The following NXPH1 variants were observed in gnomAD, a reference collection of about 807,000 sequenced individuals.
NXPH1 encodes neurexophilin-1.
NXPH1 carries 5 observed loss-of-function variants against 23.7 expected under a neutral mutation model. The observed-to-expected ratio is 0.21, with a 90% CI of 0.11 to 0.44. The LOEUF (loss-of-function observed/expected upper bound fraction) is 0.44, where lower values mean the gene tolerates loss of function less well. Among genes scored for constraint, NXPH1 ranks in the 20% least tolerant of loss-of-function variants. The pLI is 0.99. For missense variants in NXPH1, 324 were observed against 321.6 expected (o/e 1.01, Z -0.06); for synonymous variants, 144 against 122.2 (o/e 1.18, Z -1.18).
intron 2 of NXPH1, among the ~76,000 whole-genome samples, chr7:8,558,145 A>T (rs556074804): frequency 1.3e-5 from 2 of 151,900 alleles, no homozygotes; most frequent in South Asian, 4.1e-4. Context: ...TTTTGATTTT[A>T]AATTCTTACA....
chr7:8,523,054 T>C (rs1429875310), intron 2 of NXPH1, among the ~76,000 whole-genome samples: 2 of 152,336 alleles, frequency 1.3e-5, no homozygotes, highest in East Asian at 3.9e-4. Flanking sequence ...GGTATACTAG[T>C]TGTGAGAATG....
chr7:8,534,704 G>A (rs558610768), intron 2 of NXPH1, among the ~76,000 whole-genome samples: 8 of 152,148 alleles, frequency 5.3e-5, no homozygotes, highest in African/African-American at 1.9e-4. Flanking sequence ...TCAAATATTT[G>A]ACATGATTTC....
intron 2 of NXPH1, among the ~76,000 whole-genome samples, chr7:8,696,218 T>A (rs929268409): frequency 6.6e-6 from 1 of 152,164 alleles, no homozygotes; most frequent in Non-Finnish European, 1.5e-5. Flanking sequence ...AGTTTGAAAA[T>A]CATGAAGCTA....
At chr7:8,562,244 T>C (rs915787461) in intron 2 of NXPH1, among the ~76,000 whole-genome samples, 3 of 151,730 alleles carry the variant, frequency 2.0e-5, no homozygotes, top group Admixed American at 2.0e-4. Context: ...AGAGGCTTTT[T>C]AAGAAGAGGT....
chr7:8,449,217 G>A (rs1816461153), intron 2 of NXPH1, among the ~76,000 whole-genome samples: 1 of 152,172 alleles, frequency 6.6e-6, no homozygotes, highest in African/African-American at 2.4e-5. Context: ...CAGTTTGGTG[G>A]AATGAGAGCC....
At chr7:8,655,627 T>C (rs1036945419) in intron 2 of NXPH1, among the ~76,000 whole-genome samples, 4 of 152,138 alleles carry the variant, frequency 2.6e-5, no homozygotes, top group Non-Finnish European at 5.9e-5. Context: ...ATATCTCATA[T>C]ATGATTATTG....
chr7:8,472,913 T>G (rs1378707545), intron 2 of NXPH1, among the ~76,000 whole-genome samples: 1 of 152,188 alleles, frequency 6.6e-6, no homozygotes, highest in Non-Finnish European at 1.5e-5. Context: ...AAGCCATTAC[T>G]GTTCTGAGAT....
At chr7:8,557,813 G>A (rs977088297) in intron 2 of NXPH1, among the ~76,000 whole-genome samples, 6 of 151,622 alleles carry the variant, frequency 4.0e-5, no homozygotes, top group African/African-American at 1.5e-4. Context: ...GTAGAATGCT[G>A]GACCCATATT....
chr7:8,550,958 G>A (rs1584226914), intron 2 of NXPH1, among the ~76,000 whole-genome samples: 2 of 151,338 alleles, frequency 1.3e-5, no homozygotes. Flanking sequence ...TTGAGTCCTG[G>A]AATTTTAAAA....
intron 2 of NXPH1, among the ~76,000 whole-genome samples, chr7:8,604,632 A>T (rs1819442611): frequency 6.6e-6 from 1 of 152,128 alleles, no homozygotes; most frequent in African/African-American, 2.4e-5. Flanking sequence ...TGCAATTTAG[A>T]ATCTATAATA....
intron 2 of NXPH1, among the ~76,000 whole-genome samples, chr7:8,741,572 T>A (rs1780360832): frequency 2.0e-5 from 3 of 152,134 alleles, no homozygotes; most frequent in African/African-American, 7.2e-5. Context: ...CTGATTATTG[T>A]TTGACCTTCT....
intron 2 of NXPH1, among the ~76,000 whole-genome samples, chr7:8,513,528 T>C (rs1205758953): frequency 1.3e-5 from 2 of 152,138 alleles, no homozygotes; most frequent in African/African-American, 2.4e-5. Context: ...AGATGCTACA[T>C]GCATCTATTT....
intron 2 of NXPH1, among the ~76,000 whole-genome samples, chr7:8,611,274 C>T (rs921079661): frequency 9.9e-5 from 15 of 152,068 alleles, no homozygotes. Flanking sequence ...GTTCCCTTAC[C>T]CCCAAGTTTC....
intron 2 of NXPH1, among the ~76,000 whole-genome samples, chr7:8,500,269 T>C (rs1452259537): frequency 1.3e-5 from 2 of 152,092 alleles, no homozygotes; most frequent in Non-Finnish European, 2.9e-5. Flanking sequence ...ACCTTTTGTC[T>C]AGTAGTCCCT....
intron 2 of NXPH1, among the ~76,000 whole-genome samples, chr7:8,570,181 C>G (rs527443486): frequency 8.6e-5 from 13 of 151,988 alleles, no homozygotes; most frequent in African/African-American, 3.1e-4. Context: ...AAAAAATTGA[C>G]TCAGAAGAGA....
chr7:8,452,657 A>G (rs969276535), intron 2 of NXPH1, among the ~76,000 whole-genome samples: 5 of 152,148 alleles, frequency 3.3e-5, no homozygotes, highest in Non-Finnish European at 4.4e-5. Flanking sequence ...GAAAGAGGGG[A>G]AAAGAAAGCC....
intron 2 of NXPH1, among the ~76,000 whole-genome samples, chr7:8,666,504 A>G (rs1820769723): frequency 6.6e-6 from 1 of 152,000 alleles, no homozygotes; most frequent in Admixed American, 6.6e-5. Context: ...CTTTTCTTGT[A>G]GTGGCTTTGC....
At chr7:8,534,394 G>A (rs910774781) in intron 2 of NXPH1, among the ~76,000 whole-genome samples, 1 of 152,078 alleles carries the variant, frequency 6.6e-6, no homozygotes, top group South Asian at 2.1e-4. Context: ...GGTTGAAAAC[G>A]TTTGGGTATA....
At chr7:8,515,632 T>C (rs2128614720) in intron 2 of NXPH1, among the ~76,000 whole-genome samples, 1 of 152,280 alleles carries the variant, frequency 6.6e-6, no homozygotes, top group East Asian at 1.9e-4. Context: ...ACTCATGAAT[T>C]CCACATTACT....
Sources: gnomAD v4.1 joint callset for allele counts (sites outside exome capture counted in the v4.1 genomes callset) on GRCh38, gnomAD v4.1.1 for gene constraint, MANE v1.5 for transcripts, NCBI Gene and HGNC (gene_info 2026-07-23, HGNC 2026-07-21) for gene names.